The following PSD3 variants were observed in gnomAD, a reference collection of about 807,000 sequenced individuals.
PSD3 encodes the protein pleckstrin and Sec7 domain containing 3.
Under a neutral mutation model 105.5 loss-of-function variants are expected in PSD3, and 49 were observed. That is an observed-to-expected ratio of 0.46 (90% CI 0.37 to 0.59). The LOEUF (loss-of-function observed/expected upper bound fraction) is 0.59, where lower values mean the gene tolerates loss of function less well. PSD3 is among the 20% of genes least tolerant of loss of function. PSD3 has a pLI of 0.00. For missense variants in PSD3, 1,561 were observed against 1,263.8 expected, an observed-to-expected ratio of 1.24 and a Z score of -3.57; for synonymous variants, 557 against 457.8, an observed-to-expected ratio of 1.22 and a Z score of -2.77.
At chr8:18,543,751 T>G (rs911960145) in intron 15 of PSD3, among the ~76,000 whole-genome samples, 2 of 152,236 alleles carry the variant, frequency 1.3e-5, no homozygotes, top group Non-Finnish European at 2.9e-5. Flanking sequence ...AACTGCTACT[T>G]GGGTTGAATG....
intron 6 of PSD3, among the ~76,000 whole-genome samples, chr8:18,801,733 G>A (rs1348848469): frequency 1.3e-5 from 2 of 152,108 alleles, no homozygotes; most frequent in East Asian, 1.9e-4. Context: ...AGGAAGCTGA[G>A]GCAGGAATCG....
intron 9 of PSD3, among the ~76,000 whole-genome samples, chr8:18,738,686 T>C (rs1291933244): frequency 6.6e-6 from 1 of 152,192 alleles, no homozygotes; most frequent in African/African-American, 2.4e-5. Context: ...AGACTCGTAC[T>C]AGCCACCTGA....
chr8:18,935,168 G>A (rs1057290859), intron 2 of PSD3, among the ~76,000 whole-genome samples: 5 of 152,118 alleles, frequency 3.3e-5, no homozygotes, highest in African/African-American at 1.2e-4. Flanking sequence ...ACTGTAATTA[G>A]CACTAGTAAT....
intron 2 of PSD3, among the ~76,000 whole-genome samples, chr8:18,885,967 C>T (rs1239964743): frequency 1.3e-5 from 2 of 152,094 alleles, no homozygotes; most frequent in African/African-American, 4.8e-5. Context: ...AACCTTGTTC[C>T]CTTCAAGGCT....
At position 18,533,816 on chromosome 8, in the gene PSD3, A is replaced by T. The variant is rs903903117; in HGVS notation, c.*1927T>A. ...ATTCAGTGAGAGGCTACAAAAATCA[A>T]TCTGATACATGGGCCATATTGGTAA... On this transcript the variant is annotated 3_prime_UTR_variant, in exon 16 of 16. Coordinates refer to ENST00000327040, the MANE Select transcript of PSD3 (RefSeq NM_015310.4). 2.2e-4 allele frequency: 33 copies of T among 152,294 alleles called. No individual in the cohort carries two copies. Among genetic ancestry groups the T allele is most frequent in the African/African-American group, 7.0e-4 (29 of 41,562 alleles). The allele number at this position is 152,294 out of a possible 1,614,324, so 9.4% of individuals were successfully genotyped here.
chr8:18,705,346 G>T (rs1801824957), intron 9 of PSD3, among the ~76,000 whole-genome samples: 2 of 151,932 alleles, frequency 1.3e-5, no homozygotes, highest in African/African-American at 4.8e-5. Context: ...AGGGCAACAT[G>T]GCTTAAGACG....
intron 1 of PSD3, among the ~76,000 whole-genome samples, chr8:18,988,371 T>G (rs1792369403): frequency 6.6e-6 from 1 of 152,090 alleles, no homozygotes; most frequent in Admixed American, 6.6e-5. Flanking sequence ...GAAATAAAAC[T>G]GTAACAGATG....
At chr8:18,556,789 C>T (rs1179621103) in intron 14 of PSD3, among the ~76,000 whole-genome samples, 1 of 152,224 alleles carries the variant, frequency 6.6e-6, no homozygotes, top group Non-Finnish European at 1.5e-5. Context: ...TTGTAATTGT[C>T]TATGTGCATA....
Position 18,632,776 on chromosome 8 carries a change from T to A in PSD3, c.2247A>T (p.Ser749=), listed in dbSNP as rs148769466. The stretch of plus-strand genomic sequence containing the variant: ...CGTTAGCTTTCTCCTCAGTACTTTC[T>A]GAGGGAGACTTTTTTTTCTCTTCAT... ...VDDEEKKKSP[S]ESTEEKANGT... Residue 749 remains serine (S), a synonymous_variant, in exon 11 of 16, where the codon TCA becomes TCT. Coordinates refer to ENST00000327040, the MANE Select transcript of PSD3 (RefSeq NM_015310.4). The A allele has an allele frequency of 1.1e-5, 17 of 1,592,986 alleles. No homozygotes were observed. Among genetic ancestry groups the A allele is most frequent in the Middle Eastern group, 1.7e-4 (1 of 6,032 alleles).
intron 9 of PSD3, among the ~76,000 whole-genome samples, chr8:18,723,766 A>G (rs1014014417): frequency 6.6e-6 from 1 of 152,272 alleles, no homozygotes; most frequent in African/African-American, 2.4e-5. Context: ...AGCCAAGTAC[A>G]TAAAAATAAA....
rs965255088 is a variant in PSD3 at position 18,872,252 on chromosome 8, T to C, written c.612A>G (p.Thr204=). ...TGCTCAAATAAAAACTTTCCTCCGT[T>C]GTTACTTCAGCTGAAAGAGGTATTT... ...LPEIPLSAEV[T]TEESFYLSIQ... is the part of the protein sequence containing the mutation. The change falls in exon 3 of 16, where the codon ACA becomes ACG. Residue 204 remains threonine, a synonymous_variant. Coordinates refer to ENST00000327040, the MANE Select transcript of PSD3 (RefSeq NM_015310.4). The C allele has an allele frequency of 6.2e-7, 1 of 1,614,212 alleles. No individual in the cohort carries two copies. Among genetic ancestry groups the C allele is most frequent in the Non-Finnish European group, 8.5e-7 (1 of 1,180,032 alleles).
At chr8:18,692,993 C>G (rs183032556) in intron 9 of PSD3, among the ~76,000 whole-genome samples, 15 of 152,230 alleles carry the variant, frequency 9.9e-5, no homozygotes, top group Non-Finnish European at 1.5e-5. Context: ...ACTAGCTCAA[C>G]CTCAAGTAAA....
At chr8:18,995,310 G>C (rs572159272) in intron 1 of PSD3, among the ~76,000 whole-genome samples, 1 of 152,198 alleles carries the variant, frequency 6.6e-6, no homozygotes, top group African/African-American at 2.4e-5. Context: ...AGTCTCTTCA[G>C]CTATCTAATT....
At chr8:18,623,637 C>T (rs1033788179) in intron 11 of PSD3, among the ~76,000 whole-genome samples, 2 of 141,874 alleles carry the variant, frequency 1.4e-5, no homozygotes, top group African/African-American at 5.4e-5. Flanking sequence ...GAGCGAGACT[C>T]CATCTCAGAA....
At chr8:19,034,056 C>T (rs1187343079) in intron 1 of PSD3, among the ~76,000 whole-genome samples, 2 of 152,054 alleles carry the variant, frequency 1.3e-5, no homozygotes, top group Non-Finnish European at 1.5e-5. Context: ...CACAATGGGC[C>T]ACAGACTTAG....
intron 9 of PSD3, among the ~76,000 whole-genome samples, chr8:18,713,358 G>A (rs1802375483): frequency 6.6e-6 from 1 of 152,154 alleles, no homozygotes. Flanking sequence ...GTTTGCAGAT[G>A]ATATAAACCT....
chr8:18,902,268 T>C (rs1342554679), intron 2 of PSD3, among the ~76,000 whole-genome samples: 1 of 152,218 alleles, frequency 6.6e-6, no homozygotes, highest in Admixed American at 6.5e-5. Flanking sequence ...GATCAAGTCT[T>C]CTATTGAAGG....
chr8:18,660,189 G>T (rs1809243480), intron 9 of PSD3, among the ~76,000 whole-genome samples: 1 of 152,132 alleles, frequency 6.6e-6, no homozygotes, highest in Non-Finnish European at 1.5e-5. Context: ...TTTATAGAAG[G>T]CAGACGGAGA....
chr8:18,961,057 C>T (rs567436376), intron 1 of PSD3, among the ~76,000 whole-genome samples: 1 of 151,854 alleles, frequency 6.6e-6, no homozygotes, highest in Admixed American at 6.6e-5. Flanking sequence ...GAGTCACTGC[C>T]CTCCAGCCTG....
Sources: allele counts gnomAD v4.1 joint callset (sites outside exome capture counted in the v4.1 genomes callset), GRCh38; gene constraint gnomAD v4.1.1; transcripts MANE v1.5; gene names NCBI Gene and HGNC (gene_info 2026-07-23, HGNC 2026-07-21).